Variants in IMPG1 observed in about 807,000 individuals in gnomAD.
The protein encoded by IMPG1 is interphotoreceptor matrix proteoglycan 1.
IMPG1 carries 85 observed loss-of-function variants against 92.0 expected under a neutral mutation model. The ratio of observed to expected loss-of-function variants is 0.92; its 90% CI spans 0.78 to 1.11. The LOEUF (loss-of-function observed/expected upper bound fraction) is 1.11. IMPG1 is among the 50% of genes least tolerant of loss of function. The pLI, the probability that IMPG1 is intolerant of heterozygous loss-of-function variation, is 0.00. For synonymous variants in IMPG1, 367 were observed against 334.1 expected (o/e 1.10, Z -1.08); for missense variants, 1,022 against 956.0 (o/e 1.07, Z -0.91).
intron 6 of IMPG1, among the ~76,000 whole-genome samples, chr6:76,021,469 G>T (rs556390413): frequency 1.5e-4 from 23 of 152,058 alleles, no homozygotes; most frequent in African/African-American, 5.5e-4. Context: ...TACAGAGTTC[G>T]ACAATTTGTC....
chr6:75,953,014 T>G (rs1277966331), intron 12 of IMPG1, among the ~76,000 whole-genome samples: 1 of 152,216 alleles, frequency 6.6e-6, no homozygotes, highest in Non-Finnish European at 1.5e-5. Flanking sequence ...GATGATAAAT[T>G]GAAAGGATTT....
At chr6:76,042,600 G>A (rs1783865123) in intron 1 of IMPG1, among the ~76,000 whole-genome samples, 1 of 152,248 alleles carries the variant, frequency 6.6e-6, no homozygotes, top group South Asian at 2.1e-4. Flanking sequence ...GGTAGCCCTA[G>A]GAATTCTATA....
chr6:76,038,851 T>C (rs976037403), intron 2 of IMPG1, among the ~76,000 whole-genome samples: 3 of 152,220 alleles, frequency 2.0e-5, no homozygotes, highest in Non-Finnish European at 4.4e-5. Flanking sequence ...AGGGAGCACA[T>C]ACCCTGGAGG....
intron 2 of IMPG1, among the ~76,000 whole-genome samples, chr6:76,037,545 C>T (rs1783762020): frequency 6.6e-6 from 1 of 152,150 alleles, no homozygotes; most frequent in Non-Finnish European, 1.5e-5. Context: ...CGTCTCTGAC[C>T]CTTCATCTCT....
rs560856240 is a variant in IMPG1, at chr6:75,948,903, G to C, written c.1825-1370C>G. ...TCTCTGCTTCTCACAAGTGGAAACA[G>C]GGATGTACCAATGACCCAGCTTTGA... On this transcript the variant is annotated intron_variant, in intron 13 of 16. Transcript: ENST00000369950. 7.2e-5 allele frequency among the ~76,000 whole-genome samples: 11 copies of C among 152,268 alleles called. No individual in the cohort carries two copies. The East Asian group carries it at 2.1e-3, about 29-fold the overall frequency.
At position 76,034,446 on chromosome 6, in the gene IMPG1, C is replaced by A; in HGVS notation, c.469-103G>T. ...CTTCTCCCTTAACCTACACTTCAAC[C>A]TGACTGTACCATATTATTTTGCAAG... On this transcript the variant is annotated intron_variant, in intron 3 of 16. Transcript: ENST00000369950. The A allele has an allele frequency of 4.0e-6, 5 of 1,236,496 alleles. No individual in the cohort carries two copies. In the South Asian group the frequency reaches 6.6e-5, roughly 16 times the overall value. The allele number at this position is 1,236,496 out of a possible 1,614,324, so 76.6% of individuals were successfully genotyped here. A position where few individuals can be genotyped will look rare whatever the true frequency, so the allele number is the denominator to read the frequency against.
chr6:75,998,265 G>A (rs1384742070), intron 12 of IMPG1, among the ~76,000 whole-genome samples: 1 of 152,186 alleles, frequency 6.6e-6, no homozygotes, highest in East Asian at 1.9e-4. Context: ...ATTCACTGCT[G>A]TAATTCCTTT....
At chr6:76,071,519 A>C (rs1784403495) in intron 1 of IMPG1, among the ~76,000 whole-genome samples, 1 of 151,970 alleles carries the variant, frequency 6.6e-6, no homozygotes, top group African/African-American at 2.4e-5. Flanking sequence ...CTCCAAATGC[A>C]ATCACTGAGA....
At chr6:75,957,401 G>A (rs1782145786) in intron 12 of IMPG1, among the ~76,000 whole-genome samples, 1 of 152,208 alleles carries the variant, frequency 6.6e-6, no homozygotes, top group Non-Finnish European at 1.5e-5. Flanking sequence ...TTGGGGTGGA[G>A]AGTTCTGTAG....
chr6:76,006,765 A>G (rs1329525283), intron 9 of IMPG1, among the ~76,000 whole-genome samples: 1 of 152,156 alleles, frequency 6.6e-6, no homozygotes, highest in Non-Finnish European at 1.5e-5. Flanking sequence ...AACTGTATTT[A>G]TTATCCTATT....
At chr6:76,042,328 C>A (rs963852050) in intron 1 of IMPG1, among the ~76,000 whole-genome samples, 2 of 152,000 alleles carry the variant, frequency 1.3e-5, no homozygotes, top group African/African-American at 4.8e-5. Context: ...GCCGATCAAG[C>A]GTATTTTTAA....
intron 12 of IMPG1, among the ~76,000 whole-genome samples, chr6:75,977,599 A>C (rs1335009392): frequency 2.0e-5 from 3 of 151,870 alleles, no homozygotes; most frequent in Non-Finnish European, 2.9e-5. Flanking sequence ...AAAAAAAAAA[A>C]AACAAAAAAA....
In IMPG1 at chr6:75,941,169, G is replaced by A. The variant is rs116051470; in HGVS notation, c.2044+6145C>T. ...TGGCTATCATAGTGTCTGACTCATG[G>A]CAGATAATCCATAAATGTTCACTGC... is the stretch of plus-strand genomic sequence containing the variant. On this transcript the variant is annotated intron_variant, in intron 14 of 16. Coordinates refer to ENST00000369950, the MANE Select transcript of IMPG1 (RefSeq NM_001563.4). 7.3e-3 allele frequency among the ~76,000 whole-genome samples: 1,113 copies of A among 152,246 alleles called. 11 individuals are homozygous for A. Among genetic ancestry groups the A allele is most frequent in the African/African-American group, 0.025 (1,057 of 41,528 alleles).
chr6:76,072,417 C>T lies in IMPG1; in HGVS notation c.67+5G>A. 2.7e-6 allele frequency: 4 copies of T among 1,488,436 alleles called. No individual in the cohort carries two copies. The highest frequency in any genetic ancestry group is 3.7e-6 in the Non-Finnish European group (4 of 1,074,048). 92.2% of individuals were successfully genotyped at this position (1,488,436 alleles called of 1,614,324 possible). A position where few individuals can be genotyped will look rare whatever the true frequency, so the allele number is the denominator to read the frequency against. On this transcript the variant is annotated splice_donor_5th_base_variant and intron_variant, in intron 1 of 16. Coordinates refer to ENST00000369950, the MANE Select transcript of IMPG1 (RefSeq NM_001563.4). ...AATTTAAAAGTAAACATTTAAGTAA[C>T]TTACCTTTGGTTCCTTGAACTTGGA...
chr6:75,936,680 G>A (rs2149452348), intron 14 of IMPG1, among the ~76,000 whole-genome samples: 1 of 152,312 alleles, frequency 6.6e-6, no homozygotes, highest in African/African-American at 2.4e-5. Context: ...TCTTGCCCTG[G>A]ATGTGAGGTT....
rs778021750 is a variant in IMPG1 at position 76,011,238 on chromosome 6, G to T, written c.808-14C>A. ...TATCTTTTGCATCTGCAGAGAGAAA[G>T]AAATTTGTAAAATACTCTTTGGTTC... is the stretch of plus-strand genomic sequence containing the variant. On this transcript the variant is annotated splice_polypyrimidine_tract_variant and intron_variant, in intron 7 of 16. Transcript: ENST00000369950. 6.3e-5 allele frequency: 92 copies of T among 1,450,918 alleles called. 1 individual carries two copies. Among genetic ancestry groups the T allele is most frequent in the Middle Eastern group, 1.7e-4 (1 of 5,786 alleles). The allele number at this position is 1,450,918 out of a possible 1,614,324, so 89.9% of individuals were successfully genotyped here.
chr6:75,997,437 A>AT (rs1562363738), intron 12 of IMPG1, among the ~76,000 whole-genome samples: 4 of 152,140 alleles, frequency 2.6e-5, no homozygotes, highest in African/African-American at 9.7e-5. Context: ...GGAAGTGTAC[A>AT]TTTTTGGGCT....
rs185992869 is a variant in IMPG1 at position 76,023,351 on chromosome 6, G to A, written c.563-1132C>T. Among the ~76,000 whole-genome samples the A allele has an allele frequency of 6.6e-4, 100 of 152,124 alleles. 2 individuals carry two copies. The South Asian group carries it at 0.018, about 28-fold the overall frequency. The stretch of plus-strand genomic sequence containing the variant: ...AAACTTTGTAATTCTATGAATAATC[G>A]GTTTATGCTACAATTTTTGTTACAA... On this transcript the variant is annotated intron_variant, in intron 5 of 16. Coordinates refer to ENST00000369950, the MANE Select transcript of IMPG1 (RefSeq NM_001563.4).
At chr6:75,985,118 G>C (rs979107724) in intron 12 of IMPG1, among the ~76,000 whole-genome samples, 1 of 152,138 alleles carries the variant, frequency 6.6e-6, no homozygotes, top group Non-Finnish European at 1.5e-5. Context: ...AACAAATAAA[G>C]ATAAATTTCT....
Sources: gnomAD v4.1 joint callset for allele counts (sites outside exome capture counted in the v4.1 genomes callset) on GRCh38, gnomAD v4.1.1 for gene constraint, MANE v1.5 for transcripts, NCBI Gene and HGNC (gene_info 2026-07-23, HGNC 2026-07-21) for gene names.